Variants in KLHL7 observed in about 807,000 individuals in gnomAD.
KLHL7 encodes the protein kelch-like protein 7.
KLHL7 carries 44 observed loss-of-function variants against 67.4 expected under a neutral mutation model. The ratio of observed to expected loss-of-function variants is 0.65; its 90% CI spans 0.51 to 0.84. The LOEUF is 0.84. Ranked by LOEUF, KLHL7 falls within the 40% of genes least tolerant of loss-of-function variation. KLHL7 has a pLI of 0.00. For synonymous variants in KLHL7, 252 were observed against 243.3 expected (o/e 1.04, Z -0.33); for missense variants, 362 against 718.1 (o/e 0.50, Z 5.67).
At chr7:23,127,403 A>T (rs1006278906) in intron 4 of KLHL7, among the ~76,000 whole-genome samples, 9 of 152,188 alleles carry the variant, frequency 5.9e-5, no homozygotes, top group African/African-American at 2.2e-4. Flanking sequence ...ATTCCTGGCT[A>T]AGCTTCTGGC....
rs192791706 is a variant in KLHL7, at chr7:23,141,959, C to T, written c.618+1015C>T. 1.1e-4 allele frequency among the ~76,000 whole-genome samples: 17 copies of T among 151,964 alleles called. No individual in the cohort carries two copies. The East Asian group carries it at 3.1e-3, about 28-fold the overall frequency. ...TTTGAGATGGAGTCTCACTCTGTTG[C>T]CCAGGCTGGAGTGCAGTGGCATGAT... is the stretch of plus-strand genomic sequence containing the variant. On this transcript the variant is annotated intron_variant, in intron 5 of 10. Coordinates refer to ENST00000339077, the MANE Select transcript of KLHL7 (RefSeq NM_001031710.3).
In KLHL7 at chr7:23,176,674, T is replaced by TAAA. The variant is rs527937264; in HGVS notation, c.*2392_*2394dup. ...GTGACAGACTGAGACCCTGTCTCAT[T>TAAA]AAAAAAAAAAAAAAAAAAGCTGGGC... On this transcript the variant is annotated 3_prime_UTR_variant, in exon 11 of 11. Coordinates refer to ENST00000339077, the MANE Select transcript of KLHL7 (RefSeq NM_001031710.3). 13 of 112,702 alleles carry TAAA rather than the reference T, an allele frequency of 1.2e-4. No homozygotes were observed. In the East Asian group the frequency reaches 1.8e-3, roughly 15 times the overall value. The allele number at this position is 112,702 out of a possible 1,614,324, so 7.0% of individuals were successfully genotyped here.
intron 1 of KLHL7, among the ~76,000 whole-genome samples, chr7:23,107,301 T>A (rs1455789303): frequency 6.6e-6 from 1 of 152,250 alleles, no homozygotes; most frequent in Non-Finnish European, 1.5e-5. Context: ...ATTTTCAAAT[T>A]CATGTTCCTT....
rs894288448 is a variant in KLHL7 at position 23,169,258 on chromosome 7, C to CA, written c.1379+1230dup. ...TGGGTGACAGAGCAAGACTCCATCT[C>CA]AAAAAAAAATAAAAAATAAAAAAAT... On this transcript the variant is annotated intron_variant, in intron 9 of 10. Coordinates refer to ENST00000339077, the MANE Select transcript of KLHL7 (RefSeq NM_001031710.3). Among the ~76,000 whole-genome samples the CA allele has an allele frequency of 1.3e-4, 19 of 145,720 alleles. 1 individual carries two copies. Among genetic ancestry groups the CA allele is most frequent in the South Asian group, 6.5e-4 (3 of 4,598 alleles).
intron 9 of KLHL7, among the ~76,000 whole-genome samples, chr7:23,170,578 C>G (rs1435402131): frequency 6.6e-6 from 1 of 152,130 alleles, no homozygotes; most frequent in Non-Finnish European, 1.5e-5. Context: ...TTGGAATGTT[C>G]CCAACACAAA....
At chr7:23,125,950 GT>G in intron 4 of KLHL7, 2 of 1,055,590 alleles carry the variant, frequency 1.9e-6, no homozygotes, top group Non-Finnish European at 2.8e-6. Flanking sequence ...TATATACTGT[GT>G]TTTTTATGAT....
chr7:23,125,446 T>C (rs946448691), intron 4 of KLHL7, among the ~76,000 whole-genome samples: 1 of 152,220 alleles, frequency 6.6e-6, no homozygotes, highest in Non-Finnish European at 1.5e-5. Context: ...GAATAAGGAT[T>C]GCATGTGGTG....
chr7:23,121,769 G>A (rs962823161), intron 1 of KLHL7, among the ~76,000 whole-genome samples: 5 of 147,348 alleles, frequency 3.4e-5, no homozygotes, highest in Admixed American at 1.4e-4. Context: ...TGCAAGCTCC[G>A]CCTCCTGGGT....
At chr7:23,118,021 G>GT (rs755228544) in intron 1 of KLHL7, 30 of 1,596,204 alleles carry the variant, frequency 1.9e-5, no homozygotes, top group Non-Finnish European at 2.4e-5. Flanking sequence ...ACGTGGGGCA[G>GT]TTGACTGCAT....
At chr7:23,120,382 TG>T (rs1783283755) in intron 1 of KLHL7, among the ~76,000 whole-genome samples, 1 of 152,200 alleles carries the variant, frequency 6.6e-6, no homozygotes, top group Non-Finnish European at 1.5e-5. Context: ...TGTCTGCTGT[TG>T]ATTTCTTAAA....
intron 7 of KLHL7, among the ~76,000 whole-genome samples, chr7:23,155,236 C>G (rs1238772576): frequency 6.6e-6 from 1 of 152,132 alleles, no homozygotes; most frequent in Non-Finnish European, 1.5e-5. Context: ...ATCCAATAAG[C>G]ACAGTGTCCT....
chr7:23,144,184 G>A (rs985982976), intron 6 of KLHL7, among the ~76,000 whole-genome samples, 159 bp downstream of exon 6: 1 of 152,186 alleles, frequency 6.6e-6, no homozygotes, highest in Admixed American at 6.5e-5. Context: ...CTGTACACCT[G>A]GAAGGGACTT....
intron 7 of KLHL7, among the ~76,000 whole-genome samples, chr7:23,157,814 C>G (rs1784751389): frequency 6.6e-6 from 1 of 152,170 alleles, no homozygotes; most frequent in Non-Finnish European, 1.5e-5. Flanking sequence ...TGACATCAAA[C>G]TCATTCTCCA....
chr7:23,159,408 C>T (rs892384097), intron 7 of KLHL7, among the ~76,000 whole-genome samples: 1 of 151,936 alleles, frequency 6.6e-6, no homozygotes, highest in African/African-American at 2.4e-5. Flanking sequence ...AGTCTAAAGC[C>T]ATCCTCCTGC....
At chr7:23,156,814 G>A (rs929273143) in intron 7 of KLHL7, among the ~76,000 whole-genome samples, 1 of 152,136 alleles carries the variant, frequency 6.6e-6, no homozygotes, top group Non-Finnish European at 1.5e-5. Flanking sequence ...CTCAGTGTCT[G>A]GCACAGGGTG....
At chr7:23,108,044 A>G (rs1315917894) in intron 1 of KLHL7, among the ~76,000 whole-genome samples, 3 of 152,208 alleles carry the variant, frequency 2.0e-5, no homozygotes, top group Non-Finnish European at 2.9e-5. Context: ...GACCAACTTT[A>G]TAAGTGCTCT....
chr7:23,135,973 C>CT (rs1436686810), intron 4 of KLHL7, among the ~76,000 whole-genome samples: 6 of 152,160 alleles, frequency 3.9e-5, no homozygotes, highest in African/African-American at 1.4e-4. Context: ...GCCTGTGGAA[C>CT]ATTAGCAAAT....
rs370934491 is a variant in KLHL7 at position 23,143,843 on chromosome 7, C to T, written c.619-8C>T. 7 of 1,613,844 alleles carry T rather than the reference C, an allele frequency of 4.3e-6. No individual in the cohort carries two copies. The East Asian group carries it at 1.1e-4, about 26-fold the overall frequency. On this transcript the variant is annotated splice_region_variant and splice_polypyrimidine_tract_variant and intron_variant, in intron 5 of 10. Transcript: ENST00000339077. ...TAAGAACTTTACTGTGCTGTTTTTCCCCCTTAGGTTTATGATGCTGCAGTC... is the reference window on the plus strand; with the variant it reads ...TAAGAACTTTACTGTGCTGTTTTTCTCCCTTAGGTTTATGATGCTGCAGTC...
At chr7:23,115,324 A>G (rs1194058823) in intron 1 of KLHL7, among the ~76,000 whole-genome samples, 1 of 152,142 alleles carries the variant, frequency 6.6e-6, no homozygotes, top group African/African-American at 2.4e-5. Context: ...CAGAATATAA[A>G]CTTTGGTTTC....
Sources: gnomAD v4.1 joint callset for allele counts (sites outside exome capture counted in the v4.1 genomes callset) on GRCh38, gnomAD v4.1.1 for gene constraint, MANE v1.5 for transcripts, NCBI Gene and HGNC (gene_info 2026-07-23, HGNC 2026-07-21) for gene names.